The following GDPD4 variants were observed in gnomAD, a reference collection of about 807,000 sequenced individuals.
GDPD4 encodes glycerophosphodiester phosphodiesterase domain containing 4.
In GDPD4, 60 loss-of-function variants were observed where a neutral mutation model predicts 67.8. That is an observed-to-expected ratio of 0.88 (90% CI 0.72 to 1.10). The LOEUF (loss-of-function observed/expected upper bound fraction) is 1.10. GDPD4 is among the 50% of genes least tolerant of loss of function. The pLI, the probability that GDPD4 is intolerant of heterozygous loss-of-function variation, is 0.00. For synonymous variants in GDPD4, 212 were observed against 210.9 expected (o/e 1.00, Z -0.04); for missense variants, 623 against 613.9 (o/e 1.01, Z -0.16).
At chr11:77,289,532 C>T (rs1937693908) in intron 1 of GDPD4, among the ~76,000 whole-genome samples, 1 of 151,860 alleles carries the variant, frequency 6.6e-6, no homozygotes, top group African/African-American at 2.4e-5. Context: ...GAGTTCGAGA[C>T]CAGCCTGGCC....
At chr11:77,254,836 T>G (rs1009136583) in intron 11 of GDPD4, among the ~76,000 whole-genome samples, 7 of 152,160 alleles carry the variant, frequency 4.6e-5, no homozygotes, top group African/African-American at 1.7e-4. Flanking sequence ...TAATAAATAA[T>G]GACCAATTCA....
At chr11:77,294,743 A>C (rs1937891425) in intron 1 of GDPD4, among the ~76,000 whole-genome samples, 1 of 152,200 alleles carries the variant, frequency 6.6e-6, no homozygotes, top group Non-Finnish European at 1.5e-5. Context: ...TTCAAGACTT[A>C]ATATAAAGCT....
chr11:77,277,155 A>T (rs1011399191), intron 4 of GDPD4, among the ~76,000 whole-genome samples: 1 of 151,886 alleles, frequency 6.6e-6, no homozygotes, highest in Admixed American at 6.6e-5. Context: ...TTTATTGTGC[A>T]TAAAAGTGGT....
chr11:77,230,433 T>C (rs931536705), intron 14 of GDPD4, among the ~76,000 whole-genome samples: 3 of 152,182 alleles, frequency 2.0e-5, no homozygotes, highest in African/African-American at 7.2e-5. Flanking sequence ...AAATAGATCA[T>C]TAAAGAATAG....
Position 77,228,020 on chromosome 11 carries a change from T to TA in GDPD4, c.1473-105dup, listed in dbSNP as rs1958376846. ...TTCTTCCCCCTTCCATCTTGAAACT[T>TA]ACAATCCTATAGCATTTGCCTGCAA... On this transcript the variant is annotated intron_variant, in intron 15 of 16. Coordinates refer to ENST00000315938, the MANE Select transcript of GDPD4 (RefSeq NM_182833.3). The TA allele has an allele frequency of 3.7e-6, 3 of 814,552 alleles. No individual in the cohort carries two copies. The Admixed American group carries it at 5.2e-5, about 14-fold the overall frequency. 50.5% of individuals were successfully genotyped at this position (814,552 alleles called of 1,614,324 possible). A position where few individuals can be genotyped will look rare whatever the true frequency, so the allele number is the denominator to read the frequency against.
chr11:77,255,589 G>A (rs527816508), intron 11 of GDPD4, among the ~76,000 whole-genome samples: 32 of 151,902 alleles, frequency 2.1e-4, no homozygotes, highest in Non-Finnish European at 3.2e-4. Context: ...GGCTGGGTGC[G>A]GTGGCTCACA....
chr11:77,258,338 CT>C (rs761160106), intron 11 of GDPD4, 47 bp downstream of exon 11: 3 of 1,574,332 alleles, frequency 1.9e-6, no homozygotes, highest in Admixed American at 3.3e-5. Context: ...CACATGATCT[CT>C]TACAAAAATT....
At chr11:77,273,623 C>T (rs1190793121) in intron 5 of GDPD4, among the ~76,000 whole-genome samples, 3 of 152,166 alleles carry the variant, frequency 2.0e-5, no homozygotes, top group Non-Finnish European at 4.4e-5. Flanking sequence ...TATGGGTGCA[C>T]TTACCAGAGA....
At chr11:77,233,508 C>T (rs1335978337) in intron 13 of GDPD4, among the ~76,000 whole-genome samples, 1 of 148,594 alleles carries the variant, frequency 6.7e-6, no homozygotes, top group East Asian at 2.0e-4. Context: ...GTAGCATATG[C>T]AAATTTCCAT....
At chr11:77,265,076 C>T (rs1007221389) in intron 10 of GDPD4, among the ~76,000 whole-genome samples, 2 of 152,068 alleles carry the variant, frequency 1.3e-5, no homozygotes, top group African/African-American at 4.8e-5. Context: ...TTTGTCTCTG[C>T]CCCCGCACAC....
chr11:77,253,115 C>CA (rs1369673307), intron 11 of GDPD4, among the ~76,000 whole-genome samples: 1 of 152,204 alleles, frequency 6.6e-6, no homozygotes, highest in Non-Finnish European at 1.5e-5. Flanking sequence ...CCCACACCAT[C>CA]AGACTCCAAC....
intron 13 of GDPD4, 62 bp from the exon 14 acceptor site, chr11:77,233,234 G>A (rs1958487118): frequency 1.3e-6 from 2 of 1,519,558 alleles, no homozygotes; most frequent in East Asian, 2.3e-5. Context: ...CATCTAAAAG[G>A]AGAACAGCCA....
At chr11:77,299,309 A>G (rs1938084091) in intron 1 of GDPD4, among the ~76,000 whole-genome samples, 1 of 152,222 alleles carries the variant, frequency 6.6e-6, no homozygotes, top group Non-Finnish European at 1.5e-5. Flanking sequence ...CAAAAGTAGT[A>G]GTTACCTCAC....
intron 1 of GDPD4, 115 bp from the exon 2 acceptor site, chr11:77,287,535 T>G (rs966841401): frequency 4.6e-5 from 7 of 152,212 alleles, no homozygotes; most frequent in Non-Finnish European, 1.0e-4. Context: ...AAACTGTTTA[T>G]AATCAAAGGT....
At chr11:77,288,884 G>C (rs1937662347) in intron 1 of GDPD4, among the ~76,000 whole-genome samples, 2 of 151,992 alleles carry the variant, frequency 1.3e-5, no homozygotes, top group East Asian at 3.9e-4. Flanking sequence ...AGATACAAGA[G>C]AACACAGATA....
intron 13 of GDPD4, among the ~76,000 whole-genome samples, chr11:77,242,834 T>C (rs753558872): frequency 2.6e-5 from 4 of 152,026 alleles, no homozygotes; most frequent in Non-Finnish European, 5.9e-5. Context: ...ATATGATCAA[T>C]CCATAGCCAG....
At chr11:77,278,939 A>C (rs1019370703) in intron 4 of GDPD4, among the ~76,000 whole-genome samples, 5 of 152,354 alleles carry the variant, frequency 3.3e-5, no homozygotes, top group African/African-American at 1.2e-4. Context: ...TGATTTTCAG[A>C]AGATGGGACA....
intron 11 of GDPD4, among the ~76,000 whole-genome samples, chr11:77,252,519 T>C (rs1410057519): frequency 6.6e-6 from 1 of 152,250 alleles, no homozygotes; most frequent in Middle Eastern, 3.2e-3. Context: ...ATTTATTTCC[T>C]TTTCGTTCAG....
intron 12 of GDPD4, 103 bp from the exon 13 acceptor site, chr11:77,243,951 C>T: frequency 1.4e-6 from 1 of 729,094 alleles, no homozygotes; most frequent in Non-Finnish European, 2.3e-6. Flanking sequence ...AGGTAGTATT[C>T]TACAGAGAGT....
Sources: gnomAD v4.1 joint callset for allele counts (sites outside exome capture counted in the v4.1 genomes callset) on GRCh38, gnomAD v4.1.1 for gene constraint, MANE v1.5 for transcripts, NCBI Gene and HGNC (gene_info 2026-07-23, HGNC 2026-07-21) for gene names.